PDZRN4: variants seen among roughly 807,000 people sequenced by gnomAD.
PDZRN4 encodes PDZ domain-containing RING finger protein 4.
PDZRN4 carries 70 observed loss-of-function variants against 99.0 expected under a neutral mutation model. The observed-to-expected ratio is 0.71, with a 90% CI of 0.58 to 0.86. The LOEUF is 0.86. Ranked by LOEUF, PDZRN4 falls within the 40% of genes least tolerant of loss-of-function variation. The pLI, the probability that PDZRN4 is intolerant of heterozygous loss-of-function variation, is 0.00. For synonymous variants in PDZRN4, 551 were observed against 501.6 expected (o/e 1.10, Z -1.32); for missense variants, 1,474 against 1,331.2 (o/e 1.11, Z -1.67).
intron 3 of PDZRN4, among the ~76,000 whole-genome samples, chr12:41,196,316 A>G (rs1489145097): frequency 6.6e-6 from 1 of 152,090 alleles, no homozygotes; most frequent in Non-Finnish European, 1.5e-5. Flanking sequence ...GTTAATGACT[A>G]GAGCTTGAAA....
At chr12:41,236,534 T>C (rs1433064072) in intron 3 of PDZRN4, among the ~76,000 whole-genome samples, 1 of 151,850 alleles carries the variant, frequency 6.6e-6, no homozygotes, top group African/African-American at 2.4e-5. Flanking sequence ...CAAAACAAAT[T>C]AGAGATGAAG....
chr12:41,422,852 T>C (rs151045884), intron 3 of PDZRN4, among the ~76,000 whole-genome samples: 6 of 152,324 alleles, frequency 3.9e-5, no homozygotes, highest in African/African-American at 1.2e-4. Context: ...TATGTGTGTG[T>C]GTGTACACAC....
chr12:41,345,832 T>G (rs570544685), intron 3 of PDZRN4, among the ~76,000 whole-genome samples: 2 of 152,296 alleles, frequency 1.3e-5, no homozygotes, highest in South Asian at 4.1e-4. Flanking sequence ...AAATGATCAC[T>G]GTTTTCCAAT....
At chr12:41,511,735 C>G (rs1938307606) in intron 5 of PDZRN4, among the ~76,000 whole-genome samples, 1 of 152,166 alleles carries the variant, frequency 6.6e-6, no homozygotes, top group South Asian at 2.1e-4. Flanking sequence ...ATGTGACACA[C>G]ACATAGAGTG....
chr12:41,533,262 C>G (rs996627867), intron 5 of PDZRN4, among the ~76,000 whole-genome samples: 2 of 151,954 alleles, frequency 1.3e-5, no homozygotes, highest in African/African-American at 4.8e-5. Context: ...GCAACCTCCC[C>G]CTCCCGGATT....
At chr12:41,371,545 G>T (rs1952041730) in intron 3 of PDZRN4, among the ~76,000 whole-genome samples, 1 of 151,976 alleles carries the variant, frequency 6.6e-6, no homozygotes, top group South Asian at 2.1e-4. Flanking sequence ...CCTAGATTCT[G>T]TAGCCAAACA....
intron 5 of PDZRN4, among the ~76,000 whole-genome samples, chr12:41,527,742 A>ACAGT: frequency 6.6e-6 from 1 of 152,324 alleles, no homozygotes; most frequent in African/African-American, 2.4e-5. Flanking sequence ...AGGAGCCAAG[A>ACAGT]CAGTCACCTG....
rs775341973 is a variant in PDZRN4, at chr12:41,573,044, C to G, written c.2265C>G (p.Ser755=). The G allele has an allele frequency of 1.2e-6, 2 of 1,614,094 alleles. No individual in the cohort carries two copies. Among genetic ancestry groups the G allele is most frequent in the Non-Finnish European group, 1.7e-6 (2 of 1,179,998 alleles). ...CRSTPLTVDR[S]PDSSLPRVIN... ...GTACTCCGCTCACTGTAGACCGTTC[C>G]CCTGACAGTTCCCTTCCAAGGGTGA... The change falls in exon 10 of 10, where the codon TCC becomes TCG. Residue 755 remains serine, a synonymous_variant. Transcript: ENST00000402685.
intron 3 of PDZRN4, among the ~76,000 whole-genome samples, chr12:41,303,498 T>C (rs1360781934): frequency 6.6e-6 from 1 of 152,180 alleles, no homozygotes; most frequent in African/African-American, 2.4e-5. Context: ...TGTTTAGAAA[T>C]AAAAATACTG....
intron 3 of PDZRN4, among the ~76,000 whole-genome samples, chr12:41,354,897 T>C (rs1362978235): frequency 6.6e-6 from 1 of 152,004 alleles, no homozygotes; most frequent in African/African-American, 2.4e-5. Context: ...GTACATACCA[T>C]TACAAAGATA....
intron 3 of PDZRN4, among the ~76,000 whole-genome samples, chr12:41,228,632 C>T (rs1402742731): frequency 6.6e-6 from 1 of 152,104 alleles, no homozygotes; most frequent in Non-Finnish European, 1.5e-5. Flanking sequence ...GTATGCCATG[C>T]TCAGGAGGCT....
At chr12:41,221,213 G>C (rs891738334) in intron 3 of PDZRN4, among the ~76,000 whole-genome samples, 4 of 152,152 alleles carry the variant, frequency 2.6e-5, no homozygotes, top group African/African-American at 9.6e-5. Flanking sequence ...ATGTGATCAA[G>C]AAACAAAACC....
chr12:41,189,642 G>A (rs1015022533), intron 1 of PDZRN4, among the ~76,000 whole-genome samples: 5 of 152,164 alleles, frequency 3.3e-5, no homozygotes, highest in Non-Finnish European at 7.3e-5. Flanking sequence ...TATTAAGTTG[G>A]GGACTGTGAG....
At chr12:41,426,489 G>A (rs1952537796) in intron 3 of PDZRN4, among the ~76,000 whole-genome samples, 1 of 152,128 alleles carries the variant, frequency 6.6e-6, no homozygotes, top group African/African-American at 2.4e-5. Context: ...GGTCCTCATG[G>A]GAAGAGTATA....
intron 3 of PDZRN4, among the ~76,000 whole-genome samples, chr12:41,466,036 C>A (rs1007862903): frequency 5.9e-5 from 9 of 152,082 alleles, no homozygotes; most frequent in Admixed American, 5.9e-4. Flanking sequence ...AATTACAGAA[C>A]ATTTTGTGTC....
intron 3 of PDZRN4, among the ~76,000 whole-genome samples, chr12:41,217,140 C>A (rs1260137726): frequency 1.3e-5 from 2 of 152,088 alleles, no homozygotes; most frequent in Non-Finnish European, 2.9e-5. Context: ...GTGCTTAAAG[C>A]TAGAGCAGTG....
intron 3 of PDZRN4, among the ~76,000 whole-genome samples, chr12:41,345,564 T>C (rs1258148422): frequency 1.3e-5 from 2 of 152,212 alleles, no homozygotes; most frequent in African/African-American, 4.8e-5. Flanking sequence ...TGTTTTGTTG[T>C]CCCAGTCCCA....
chr12:41,384,609 C>T lies in PDZRN4; in HGVS notation c.844-121847C>T, dbSNP rs540746324. 7.7e-4 allele frequency among the ~76,000 whole-genome samples: 118 copies of T among 152,268 alleles called. 1 individual carries two copies. Among genetic ancestry groups the T allele is most frequent in the Middle Eastern group, 3.4e-3 (1 of 294 alleles). Reference sequence around the variant, plus strand: ...TTCCTAGGACAGCACATCCTAGCTACTGTGAGTATACTATAACTGTTGACT... The same window carrying T: ...TTCCTAGGACAGCACATCCTAGCTATTGTGAGTATACTATAACTGTTGACT... On this transcript the variant is annotated intron_variant, in intron 3 of 9. Transcript: ENST00000402685.
Position 41,490,581 on chromosome 12 carries a change from T to A in PDZRN4, c.844-15875T>A, listed in dbSNP as rs113810002. Among the ~76,000 whole-genome samples, 962 of 152,180 alleles carry A rather than the reference T, an allele frequency of 6.3e-3. 11 individuals are homozygous for A. The highest frequency in any genetic ancestry group is 0.022 in the African/African-American group (900 of 41,536). On this transcript the variant is annotated intron_variant, in intron 3 of 9. Transcript: ENST00000402685. ...TTATATATGTGCATATATTATATAT[T>A]ATAGTATGTTTTATATTTATTATTG...
Sources: gnomAD v4.1 joint callset for allele counts (sites outside exome capture counted in the v4.1 genomes callset) on GRCh38, gnomAD v4.1.1 for gene constraint, MANE v1.5 for transcripts, NCBI Gene and HGNC (gene_info 2026-07-23, HGNC 2026-07-21) for gene names.